The following UPF3A variants were observed in gnomAD, a reference collection of about 807,000 sequenced individuals.
UPF3A encodes the protein UPF3A regulator of nonsense mediated mRNA decay, also known as regulator of nonsense transcripts 3A.
Under a neutral mutation model 53.5 loss-of-function variants are expected in UPF3A, and 42 were observed. That is an observed-to-expected ratio of 0.78 (90% confidence interval 0.61 to 1.01). The LOEUF is 1.01. UPF3A is among the 50% of genes least tolerant of loss of function. UPF3A has a pLI of 0.00. For synonymous variants in UPF3A, 237 were observed against 225.3 expected, an observed-to-expected ratio of 1.05 and a Z score of -0.47; for missense variants, 575 against 598.0, an observed-to-expected ratio of 0.96 and a Z score of 0.40.
At chr13:114,291,453 G>A (rs1053845485) in intron 5 of UPF3A, 36 bp from the exon 6 acceptor site, 14 of 1,510,368 alleles carry the variant, frequency 9.3e-6, no homozygotes, top group Non-Finnish European at 1.3e-5. Context: ...TCTTTCTTTA[G>A]GAGTTAAATA....
At chr13:114,304,005 A>G (rs1399305627) in intron 9 of UPF3A, among the ~76,000 whole-genome samples, 12 of 152,184 alleles carry the variant, frequency 7.9e-5, no homozygotes, top group Non-Finnish European at 1.8e-4. Flanking sequence ...AGCGCATGAG[A>G]TGTACCCACA....
At chr13:114,295,848 G>C (rs2085931745) in intron 7 of UPF3A, among the ~76,000 whole-genome samples, 1 of 152,158 alleles carries the variant, frequency 6.6e-6, no homozygotes, top group South Asian at 2.1e-4. Context: ...CAGCTCCTCA[G>C]ACCTCGGGAA....
chr13:114,286,249 A>G (rs2084677286), intron 3 of UPF3A, 53 bp from the exon 4 acceptor site: 3 of 1,601,262 alleles, frequency 1.9e-6, no homozygotes, highest in African/African-American at 1.3e-5. Flanking sequence ...ATTTTCCGAA[A>G]TGAATGTAGT....
At chr13:114,291,428 A>T in intron 5 of UPF3A, 61 bp from the exon 6 acceptor site, 1 of 1,405,992 alleles carries the variant, frequency 7.1e-7, no homozygotes, top group Non-Finnish European at 9.7e-7. Flanking sequence ...ATTCAAAACA[A>T]GTATTTAAAA....
At chr13:114,282,532 C>CT (rs2084206295) in intron 2 of UPF3A, 2 of 985,340 alleles carry the variant, frequency 2.0e-6, no homozygotes, top group Non-Finnish European at 2.4e-6. Flanking sequence ...AGAAGGTCCC[C>CT]AAGTCAGGAG....
At position 114,282,435 on chromosome 13, in the gene UPF3A, C is replaced by T. The variant is rs537997064; in HGVS notation, c.314+308C>T. 19 of 985,192 alleles carry T rather than the reference C, an allele frequency of 1.9e-5. No homozygotes were observed. The African/African-American group carries it at 3.0e-4, about 15-fold the overall frequency. 61.0% of individuals were successfully genotyped at this position (985,192 alleles called of 1,614,324 possible). On this transcript the variant is annotated intron_variant, in intron 2 of 9. Transcript: ENST00000375299. ...CCTCCCGGGCTTCCCTGCTCGTCCG[C>T]GGACGGGGCGCTGCGGGGCCGGGGG...
chr13:114,301,878 G>A lies in UPF3A; in HGVS notation c.1155G>A (p.Glu385=), dbSNP rs1298523812. The change falls in exon 9 of 10, where the codon GAG becomes GAA. Residue 385 remains glutamate (E), a synonymous_variant. Transcript: ENST00000375299. ...GGCTTTCCAGAAGGAGTGAGGATGA[G>A]CAGAGATGGGGGAAAGGACCTGGCC... The part of the protein sequence containing the change: ...PERLSRRSED[E]QRWGKGPGQD... 10 of 1,611,654 alleles carry A rather than the reference G, an allele frequency of 6.2e-6. No individual in the cohort carries two copies. The highest frequency in any genetic ancestry group is 5.5e-5 in the South Asian group (5 of 90,840).
At chr13:114,291,024 C>T (rs1331768898) in intron 5 of UPF3A, among the ~76,000 whole-genome samples, 1 of 152,080 alleles carries the variant, frequency 6.6e-6, no homozygotes, top group Non-Finnish European at 1.5e-5. Context: ...TGTGAGCCAC[C>T]ACGCCCGGCC....
chr13:114,303,749 G>A (rs947809707), intron 9 of UPF3A, among the ~76,000 whole-genome samples: 5 of 152,132 alleles, frequency 3.3e-5, no homozygotes, highest in African/African-American at 1.2e-4. Flanking sequence ...TTGCGCCATT[G>A]CACTCCAGCC....
intron 3 of UPF3A, chr13:114,283,846 T>C: frequency 2.0e-6 from 2 of 985,540 alleles, no homozygotes; most frequent in Non-Finnish European, 2.4e-6. Flanking sequence ...CAAGTTGTTT[T>C]CTGCCCTCCC....
rs942116617 is a variant in UPF3A, at chr13:114,305,006, A to T, written c.*89A>T. On this transcript the variant is annotated 3_prime_UTR_variant, in exon 10 of 10. Coordinates refer to ENST00000375299, the MANE Select transcript of UPF3A (RefSeq NM_023011.4). ...CGAGTGTGACTGGGAAGGAGAACTT[A>T]TTCCTTACCAGGAAACTGGAAGCTA... 6.7e-7 allele frequency: 1 copy of T among 1,484,254 alleles called. No homozygotes were observed. The highest frequency in any genetic ancestry group is 1.4e-5 in the African/African-American group (1 of 71,208). 91.9% of individuals were successfully genotyped at this position (1,484,254 alleles called of 1,614,324 possible). A position where few individuals can be genotyped will look rare whatever the true frequency, so the allele number is the denominator to read the frequency against.
intron 3 of UPF3A, chr13:114,283,816 A>C (rs2084376168): frequency 2.0e-6 from 2 of 985,408 alleles, no homozygotes; most frequent in African/African-American, 3.5e-5. Flanking sequence ...CTGGCTGTCA[A>C]GTTTGTATAC....
intron 7 of UPF3A, among the ~76,000 whole-genome samples, chr13:114,295,085 C>T (rs1160897892): frequency 1.4e-5 from 2 of 146,952 alleles, no homozygotes; most frequent in Non-Finnish European, 3.0e-5. Context: ...GCACTCCAGC[C>T]TGGGCGACAG....
At chr13:114,301,600 G>T in intron 8 of UPF3A, 131 bp from the exon 9 acceptor site, 1 of 772,914 alleles carries the variant, frequency 1.3e-6, no homozygotes, top group Admixed American at 2.8e-5. Context: ...CCATCGCAGT[G>T]CAGCCTCAGC....
intron 5 of UPF3A, among the ~76,000 whole-genome samples, chr13:114,288,889 A>G (rs1433062021): frequency 6.6e-6 from 1 of 152,166 alleles, no homozygotes; most frequent in Non-Finnish European, 1.5e-5. Flanking sequence ...GAAGAGCTAG[A>G]AGCAGCAAAT....
In UPF3A at chr13:114,286,622, G is replaced by A. The variant is rs376297015; in HGVS notation, c.624G>A (p.Glu208=). Residue 208 remains glutamate (E), a synonymous_variant, in exon 5 of 10, where the codon GAG becomes GAA. Transcript: ENST00000375299. ...GGGAGATGGAGGCGAAGACAAGAGA[G>A]CTCATTGGTCTGTTTTGCTCATTTC... is the stretch of plus-strand genomic sequence containing the variant. ...LLGEMEAKTR[E]LIARRTTPLL... 5.0e-6 allele frequency: 8 copies of A among 1,611,920 alleles called. No homozygotes were observed. The African/African-American group carries it at 9.4e-5, about 19-fold the overall frequency.
intron 1 of UPF3A, 63 bp from the exon 2 acceptor site, chr13:114,281,958 G>A (rs1462395119): frequency 2.7e-6 from 4 of 1,458,478 alleles, no homozygotes; most frequent in African/African-American, 1.4e-5. Flanking sequence ...CGCGGTACGC[G>A]GTGCCTTTTG....
intron 9 of UPF3A, among the ~76,000 whole-genome samples, chr13:114,302,408 C>T (rs1182143393): frequency 6.6e-6 from 1 of 152,150 alleles, no homozygotes; most frequent in Admixed American, 6.5e-5. Context: ...CTCACAAACA[C>T]CTGTAAGTTA....
At position 114,286,287 on chromosome 13, in the gene UPF3A, G is replaced by A; in HGVS notation, c.422-15G>A. The stretch of plus-strand genomic sequence containing the variant: ...AATTTCAGAATGGCTTCTGGAACAT[G>A]TTTCCTGTTAAAAGGCCTAGAATAT... On this transcript the variant is annotated splice_polypyrimidine_tract_variant and intron_variant, in intron 3 of 9. Transcript: ENST00000375299. 1 of 1,611,734 alleles carries A rather than the reference G, an allele frequency of 6.2e-7. No individual in the cohort carries two copies. The highest frequency in any genetic ancestry group is 8.5e-7 in the Non-Finnish European group (1 of 1,179,182).
Sources: gnomAD v4.1 joint callset for allele counts (sites outside exome capture counted in the v4.1 genomes callset) on GRCh38, gnomAD v4.1.1 for gene constraint, MANE v1.5 for transcripts, NCBI Gene and HGNC (gene_info 2026-07-23, HGNC 2026-07-21) for gene names.